Variants in TBC1D14 observed in about 807,000 individuals in gnomAD.
The protein encoded by TBC1D14 is TBC1 domain family member 14.
A neutral mutation model predicts 79.0 loss-of-function variants in TBC1D14; 26 were observed. That is an observed-to-expected ratio of 0.33 (90% CI 0.24 to 0.46). The LOEUF is 0.46. Among genes scored for constraint, TBC1D14 ranks in the 20% least tolerant of loss-of-function variants. The pLI is 1.00. For missense variants in TBC1D14, 769 were observed against 887.6 expected (o/e 0.87, Z 1.70); for synonymous variants, 394 against 349.9 (o/e 1.13, Z -1.40).
intron 2 of TBC1D14, among the ~76,000 whole-genome samples, chr4:6,956,708 T>TC (rs540882116): frequency 7.5e-4 from 114 of 152,332 alleles, no homozygotes; most frequent in South Asian, 2.1e-3. Flanking sequence ...CTCTTGTGCC[T>TC]CACTTCTCAG....
intron 2 of TBC1D14, among the ~76,000 whole-genome samples, chr4:6,944,919 T>G (rs1317322133): frequency 3.3e-5 from 5 of 152,202 alleles, no homozygotes; most frequent in Admixed American, 3.3e-4. Flanking sequence ...TCCAGTGGTG[T>G]TTCAGGTGTC....
chr4:7,004,693 T>G, intron 7 of TBC1D14, 151 bp from the exon 8 acceptor site: 1 of 629,940 alleles, frequency 1.6e-6, no homozygotes, highest in Non-Finnish European at 2.8e-6. Context: ...TCAGGCCAAG[T>G]TGGGGGGAAT....
At chr4:6,953,122 T>A (rs1265839273) in intron 2 of TBC1D14, among the ~76,000 whole-genome samples, 1 of 147,650 alleles carries the variant, frequency 6.8e-6, no homozygotes, top group African/African-American at 2.5e-5. Context: ...GCCTTCCAGC[T>A]TCAGGCAGTT....
chr4:6,989,650 T>C (rs1201753058), intron 3 of TBC1D14, among the ~76,000 whole-genome samples: 2 of 152,186 alleles, frequency 1.3e-5, no homozygotes, highest in Non-Finnish European at 2.9e-5. Flanking sequence ...GGTTGGAGAT[T>C]GAGGATCTCC....
intron 2 of TBC1D14, among the ~76,000 whole-genome samples, chr4:6,936,505 T>TGTAC (rs778908585): frequency 4.6e-5 from 7 of 152,242 alleles, no homozygotes; most frequent in Non-Finnish European, 1.0e-4. Context: ...ACTGCATGTA[T>TGTAC]GTACCGTAGT....
At chr4:6,974,848 C>G (rs1716570558) in intron 3 of TBC1D14, among the ~76,000 whole-genome samples, 1 of 151,898 alleles carries the variant, frequency 6.6e-6, no homozygotes, top group East Asian at 1.9e-4. Context: ...TCCTCTGAAT[C>G]AGAATAGGTT....
rs747407757 is a variant in TBC1D14 at position 6,923,724 on chromosome 4, C to T, written c.335C>T (p.Pro112Leu). 1.2e-5 allele frequency: 19 copies of T among 1,613,808 alleles called. No homozygotes were observed. In the East Asian group the frequency reaches 4.0e-4, roughly 34 times the overall value. ...QSACALPSCA[P>L]PAPSSTEREQ... is the part of the protein sequence containing the mutation. ...GCCTGCGCGCTGCCATCCTGTGCGCCACCAGCTCCTAGCAGCACCGAGCGG... is the reference window on the plus strand; with the variant it reads ...GCCTGCGCGCTGCCATCCTGTGCGCTACCAGCTCCTAGCAGCACCGAGCGG... Residue 112 changes from proline to leucine, a missense_variant, in exon 2 of 14, where the codon CCA (proline) becomes CTA (leucine). Physicochemically the swap from Pro to Leu is moderately conservative, Grantham distance 98 (BLOSUM62 -3). This residue lies in a region of TBC1D14 where 402 missense variants were observed against 393.2 expected (regional missense o/e 1.02). Coordinates refer to ENST00000409757, the MANE Select transcript of TBC1D14 (RefSeq NM_020773.3).
chr4:6,984,789 T>C (rs1309508891), intron 3 of TBC1D14, among the ~76,000 whole-genome samples: 2 of 152,232 alleles, frequency 1.3e-5, no homozygotes, highest in Non-Finnish European at 2.9e-5. Context: ...CTTAGGAATC[T>C]TGTTAAACAC....
intron 2 of TBC1D14, among the ~76,000 whole-genome samples, chr4:6,944,534 C>T (rs1262761897): frequency 4.6e-5 from 7 of 152,242 alleles, no homozygotes; most frequent in South Asian, 4.1e-4. Context: ...ATGGCCCTGC[C>T]GGGAGCCGTC....
At chr4:6,942,884 G>A (rs983785921) in intron 2 of TBC1D14, among the ~76,000 whole-genome samples, 5 of 152,214 alleles carry the variant, frequency 3.3e-5, no homozygotes, top group African/African-American at 9.6e-5. Context: ...TTAGAGGTTC[G>A]TTTGAGAGCA....
chr4:6,909,714 CG>C (rs1253737505), upstream of TBC1D14: 1 of 146,858 alleles, frequency 6.8e-6, no homozygotes, highest in East Asian at 2.0e-4. Flanking sequence ...AGAACGGGCG[CG>C]GGCCGGCAGG....
At chr4:6,937,767 G>A (rs1712481949) in intron 2 of TBC1D14, among the ~76,000 whole-genome samples, 1 of 152,160 alleles carries the variant, frequency 6.6e-6, no homozygotes, top group Non-Finnish European at 1.5e-5. Flanking sequence ...GATTACATTG[G>A]GGCATGGATT....
intron 13 of TBC1D14, among the ~76,000 whole-genome samples, chr4:7,028,293 C>G (rs150143998): frequency 2.6e-5 from 4 of 152,190 alleles, no homozygotes; most frequent in Admixed American, 6.5e-5. Context: ...ATTTTAGGGA[C>G]TAGGTAAAAA....
rs982605398 is a variant in TBC1D14, at chr4:7,033,016, G to A, written c.*2624G>A. The A allele has an allele frequency of 6.6e-6, 1 of 152,644 alleles. No homozygotes were observed. Among genetic ancestry groups the A allele is most frequent in the Non-Finnish European group, 1.5e-5 (1 of 68,046 alleles). The allele number at this position is 152,644 out of a possible 1,614,324, so 9.5% of individuals were successfully genotyped here. A position where few individuals can be genotyped will look rare whatever the true frequency, so the allele number is the denominator to read the frequency against. On this transcript the variant is annotated 3_prime_UTR_variant, in exon 14 of 14. Coordinates refer to ENST00000409757, the MANE Select transcript of TBC1D14 (RefSeq NM_020773.3). ...ATATCATGTTTTAATTGCTTGTACA[G>A]TTAACCTTTAATTTTATTTAGTAAA... is the stretch of plus-strand genomic sequence containing the variant.
intron 1 of TBC1D14, among the ~76,000 whole-genome samples, chr4:6,922,736 C>G (rs148002119): frequency 6.6e-6 from 1 of 152,132 alleles, no homozygotes; most frequent in African/African-American, 2.4e-5. Flanking sequence ...ACCACTCCCC[C>G]AAAAGAAAAA....
rs1723200797 is a variant in TBC1D14, at chr4:7,033,014, C to T, written c.*2622C>T. On this transcript the variant is annotated 3_prime_UTR_variant, in exon 14 of 14. Transcript: ENST00000409757. ...ACATATCATGTTTTAATTGCTTGTA[C>T]AGTTAACCTTTAATTTTATTTAGTA... The T allele has an allele frequency of 6.6e-6, 1 of 152,658 alleles. No individual in the cohort carries two copies. The highest frequency in any genetic ancestry group is 2.4e-5 in the African/African-American group (1 of 41,454). 9.5% of individuals were successfully genotyped at this position (152,658 alleles called of 1,614,324 possible). A position where few individuals can be genotyped will look rare whatever the true frequency, so the allele number is the denominator to read the frequency against.
intron 13 of TBC1D14, among the ~76,000 whole-genome samples, chr4:7,027,301 A>T (rs1160006684): frequency 3.6e-5 from 4 of 111,088 alleles, no homozygotes. Context: ...CCCCCCCCAC[A>T]CACATCACAC....
At chr4:6,993,870 CG>C (rs1370009609) in intron 3 of TBC1D14, among the ~76,000 whole-genome samples, 2 of 152,068 alleles carry the variant, frequency 1.3e-5, no homozygotes, top group Non-Finnish European at 2.9e-5. Flanking sequence ...ATTAGCCAGC[CG>C]TGGTGGTGAG....
rs569609200 is a variant in TBC1D14 at position 7,032,502 on chromosome 4, C to T, written c.*2110C>T. The T allele has an allele frequency of 1.3e-5, 2 of 152,554 alleles. No homozygotes were observed. The highest frequency in any genetic ancestry group is 2.1e-4 in the South Asian group (1 of 4,830). The allele number at this position is 152,554 out of a possible 1,614,324, so 9.5% of individuals were successfully genotyped here. On this transcript the variant is annotated 3_prime_UTR_variant, in exon 14 of 14. Transcript: ENST00000409757. ...ACATCAGTCTCTCCAGATAGCACTA[C>T]GATGTATTCCGCTTCTGAACAGGAT...
Sources: gnomAD v4.1 joint callset for allele counts (sites outside exome capture counted in the v4.1 genomes callset) on GRCh38, gnomAD v4.1.1 for gene constraint, gnomAD v4.1.1 regional missense constraint, MANE v1.5 for transcripts, NCBI Gene and HGNC (gene_info 2026-07-23, HGNC 2026-07-21) for gene names.